Variants in ARHGEF7 observed in about 807,000 individuals in gnomAD.
ARHGEF7 encodes PAK-interacting exchange factor beta.
A neutral mutation model predicts 109.8 loss-of-function variants in ARHGEF7; 33 were observed. The ratio of observed to expected loss-of-function variants is 0.30; its 90% CI spans 0.23 to 0.40. ARHGEF7 has a LOEUF of 0.40. Ranked by LOEUF, ARHGEF7 falls within the 10% of genes least tolerant of loss-of-function variation. ARHGEF7 has a pLI of 1.00. For synonymous variants in ARHGEF7, 458 were observed against 424.6 expected, an observed-to-expected ratio of 1.08 and a Z score of -0.97; for missense variants, 938 against 1,098.5, an observed-to-expected ratio of 0.85 and a Z score of 2.07.
intron 1 of ARHGEF7, 126 bp from the exon 2 acceptor site, chr13:111,153,779 C>A: frequency 7.3e-7 from 1 of 1,373,138 alleles, no homozygotes; most frequent in Admixed American, 3.9e-5. Context: ...TCGCTCCAGG[C>A]CGTCGGGGGC....
At chr13:111,292,514 T>C in intron 19 of ARHGEF7, 1 of 1,425,204 alleles carries the variant, frequency 7.0e-7, no homozygotes. Context: ...TTCGAATGAC[T>C]GACTATTGGA....
At chr13:111,118,253 G>C (rs1254077899) in intron 1 of ARHGEF7, among the ~76,000 whole-genome samples, 5 of 152,264 alleles carry the variant, frequency 3.3e-5, no homozygotes, top group Non-Finnish European at 7.3e-5. Context: ...TTCTGTTTCA[G>C]AGTTAGGAAG....
chr13:111,254,063 T>C (rs1383885330), intron 8 of ARHGEF7, among the ~76,000 whole-genome samples: 2 of 152,128 alleles, frequency 1.3e-5, no homozygotes, highest in Non-Finnish European at 2.9e-5. Flanking sequence ...AGTTGAACCA[T>C]TGTGGTGCTG....
At chr13:111,129,116 A>G (rs2153339073) in intron 1 of ARHGEF7, among the ~76,000 whole-genome samples, 2 of 152,342 alleles carry the variant, frequency 1.3e-5, no homozygotes, top group African/African-American at 2.4e-5. Context: ...TGTCCAAAGG[A>G]CACTCTTTTC....
rs1423909321 is a variant in ARHGEF7, at chr13:111,303,397, A to G, written c.*284A>G. 16 of 230,270 alleles carry G rather than the reference A, an allele frequency of 6.9e-5. No homozygotes were observed. Among genetic ancestry groups the G allele is most frequent in the Non-Finnish European group, 1.2e-4 (14 of 118,888 alleles). The allele number at this position is 230,270 out of a possible 1,614,324, so 14.3% of individuals were successfully genotyped here. On this transcript the variant is annotated 3_prime_UTR_variant, in exon 22 of 22. Coordinates refer to ENST00000646102, the MANE Select transcript of ARHGEF7 (RefSeq NM_001354046.2). ...GCAATAAGTTCAGTGACTGACTAAA[A>G]GTCTTGTTTTTCCAGACTTTGAATT...
At chr13:111,290,343 ATTATAC>A (rs146029163) in intron 18 of ARHGEF7, among the ~76,000 whole-genome samples, 1,559 of 152,356 alleles carry the variant, frequency 0.01, 18 homozygotes, top group Middle Eastern at 0.031. Context: ...ATAAAAAATA[ATTATAC>A]TTATAACAGC....
rs528439767 is a variant in ARHGEF7, at chr13:111,213,215, G to A, written c.468+3213G>A. On this transcript the variant is annotated intron_variant, in intron 4 of 21. Coordinates refer to ENST00000646102, the MANE Select transcript of ARHGEF7 (RefSeq NM_001354046.2). ...GGTGGTGCTTTGGCTCCAGGCATCA[G>A]AAAGAGGCCGTTAAGGAGCATGGTG... Among the ~76,000 whole-genome samples, 18 of 152,260 alleles carry A rather than the reference G, an allele frequency of 1.2e-4. 1 individual carries two copies. The highest frequency in any genetic ancestry group is 3.9e-4 in the African/African-American group (16 of 41,548).
chr13:111,180,405 A>G (rs990169221), intron 2 of ARHGEF7, among the ~76,000 whole-genome samples: 1 of 152,242 alleles, frequency 6.6e-6, no homozygotes, highest in Admixed American at 6.5e-5. Flanking sequence ...GGGAAGGAAC[A>G]CATACAGATA....
At chr13:111,193,583 T>C (rs1394783264) in intron 2 of ARHGEF7, among the ~76,000 whole-genome samples, 2 of 152,278 alleles carry the variant, frequency 1.3e-5, no homozygotes, top group Admixed American at 1.3e-4. Context: ...GCGTACTTGC[T>C]ATCTGTATAC....
chr13:111,260,200 A>G (rs2090935447), intron 8 of ARHGEF7, among the ~76,000 whole-genome samples: 1 of 152,260 alleles, frequency 6.6e-6, no homozygotes, highest in Non-Finnish European at 1.5e-5. Flanking sequence ...GTTTATTCAA[A>G]GAGATAACAG....
intron 8 of ARHGEF7, among the ~76,000 whole-genome samples, chr13:111,262,548 C>G (rs911994551): frequency 1.3e-5 from 2 of 152,178 alleles, no homozygotes; most frequent in African/African-American, 4.8e-5. Context: ...TGGAGGTTCC[C>G]CCAGCACATT....
At chr13:111,196,254 TCTGAGTTGAGTCCCAGTG>T (rs1297750710) in intron 2 of ARHGEF7, among the ~76,000 whole-genome samples, 1 of 152,168 alleles carries the variant, frequency 6.6e-6, no homozygotes, top group African/African-American at 2.4e-5. Context: ...GTCCCCATGA[TCTGAGTTGAGTCCCAGTG>T]GGGATCCATA....
At chr13:111,205,456 G>C in intron 3 of ARHGEF7, 83 bp downstream of exon 3, 1 of 889,820 alleles carries the variant, frequency 1.1e-6, no homozygotes. Context: ...ACCAAAGCCA[G>C]GGGAGCATTA....
intron 5 of ARHGEF7, among the ~76,000 whole-genome samples, chr13:111,224,241 C>T (rs2084889147): frequency 9.0e-6 from 1 of 111,214 alleles, no homozygotes; most frequent in Non-Finnish European, 1.6e-5. Flanking sequence ...TTCAGAATTT[C>T]CTAAATTCAA....
At chr13:111,187,212 G>T (rs1431119852) in intron 2 of ARHGEF7, among the ~76,000 whole-genome samples, 2 of 152,222 alleles carry the variant, frequency 1.3e-5, no homozygotes, top group African/African-American at 4.8e-5. Flanking sequence ...TTGCCAGAAT[G>T]CTGTGTCCGT....
chr13:111,264,468 CTA>C (rs1156683160), intron 8 of ARHGEF7, among the ~76,000 whole-genome samples: 1 of 152,142 alleles, frequency 6.6e-6, no homozygotes, highest in African/African-American at 2.4e-5. Context: ...GCGCAGAGAT[CTA>C]TATGTCACCG....
At chr13:111,146,091 G>C (rs974074403) in intron 1 of ARHGEF7, among the ~76,000 whole-genome samples, 1 of 152,152 alleles carries the variant, frequency 6.6e-6, no homozygotes, top group East Asian at 1.9e-4. Flanking sequence ...TGTAGGTCTA[G>C]CTGTGGACAG....
At chr13:111,203,489 G>A (rs540286420) in intron 2 of ARHGEF7, among the ~76,000 whole-genome samples, 1 of 152,314 alleles carries the variant, frequency 6.6e-6, no homozygotes, top group Non-Finnish European at 1.5e-5. Context: ...GAAGGATTTA[G>A]CTTCATGAAA....
In ARHGEF7 at chr13:111,292,175, G is replaced by T; in HGVS notation, c.2192G>T (p.Ser731Ile). 6.2e-7 allele frequency: 1 copy of T among 1,613,820 alleles called. No individual in the cohort carries two copies. Among genetic ancestry groups the T allele is most frequent in the Non-Finnish European group, 8.5e-7 (1 of 1,180,028 alleles). The change falls in exon 19 of 22, where the codon AGC (serine) becomes ATC (isoleucine). Residue 731 changes from serine (S) to isoleucine (I), a missense_variant. Ser to Ile is a moderately radical substitution (Grantham distance 142). This residue lies in a region of ARHGEF7 where 166 missense variants were observed against 167.3 expected (regional missense o/e 0.99). Coordinates refer to ENST00000646102, the MANE Select transcript of ARHGEF7 (RefSeq NM_001354046.2). ...NHVLADDDQP[S>I]LDSLGRRSSL... is the part of the protein sequence containing the mutation. ...GTCTTGGCTGATGATGACCAACCAA[G>T]CCTAGACTCCCTGGGGCGTCGCAGT...
Sources: gnomAD v4.1 joint callset for allele counts (sites outside exome capture counted in the v4.1 genomes callset) on GRCh38, gnomAD v4.1.1 for gene constraint, gnomAD v4.1.1 regional missense constraint, MANE v1.5 for transcripts, NCBI Gene and HGNC (gene_info 2026-07-23, HGNC 2026-07-21) for gene names.